The following MTOR variants were observed in gnomAD, a reference collection of about 807,000 sequenced individuals.
MTOR encodes serine/threonine-protein kinase mTOR.
MTOR carries 70 observed loss-of-function variants against 319.8 expected under a neutral mutation model. The observed-to-expected ratio is 0.22, with a 90% CI of 0.18 to 0.27. The LOEUF is 0.27. Among genes scored for constraint, MTOR ranks in the 10% least tolerant of loss-of-function variants. The pLI, the probability that MTOR is intolerant of heterozygous loss-of-function variation, is 1.00. For synonymous variants in MTOR, 1,183 were observed against 1,211.4 expected (o/e 0.98, Z 0.49); for missense variants, 1,890 against 3,274.4 (o/e 0.58, Z 10.32).
intron 37 of MTOR, 74 bp downstream of exon 37, chr1:11,134,277 C>T (rs947224843): frequency 2.2e-5 from 30 of 1,377,280 alleles, no homozygotes; most frequent in Non-Finnish European, 3.0e-5. Context: ...AAGCCTTGAA[C>T]TCCTCCTTGC....
chr1:11,239,363 G>A (rs942052565), intron 11 of MTOR, among the ~76,000 whole-genome samples: 14 of 152,078 alleles, frequency 9.2e-5, no homozygotes, highest in African/African-American at 3.4e-4. Context: ...CTATTCACTA[G>A]AAATAAATTA....
chr1:11,159,000 C>T (rs1174946680), intron 29 of MTOR, among the ~76,000 whole-genome samples: 1 of 152,174 alleles, frequency 6.6e-6, no homozygotes, highest in Non-Finnish European at 1.5e-5. Context: ...ACAGAAAATC[C>T]ACCACGGGTT....
chr1:11,232,583 G>A (rs1182095874), intron 15 of MTOR, 55 bp from the exon 16 acceptor site: 2 of 1,493,778 alleles, frequency 1.3e-6, no homozygotes, highest in East Asian at 4.6e-5. Flanking sequence ...GCATTAGAAA[G>A]TATTTTGGAG....
At position 11,170,855 on chromosome 1, in the gene MTOR, C is replaced by T. The variant is rs149399434; in HGVS notation, c.4254-3338G>A. ...GCGCACACCACCACACCACACACGC[C>T]GGGCGGCCTTGGTAGGAGTAAAAAA... On this transcript the variant is annotated intron_variant, in intron 28 of 57. Coordinates refer to ENST00000361445, the MANE Select transcript of MTOR (RefSeq NM_004958.4). Among the ~76,000 whole-genome samples the T allele has an allele frequency of 2.7e-3, 407 of 151,136 alleles. 10 individuals are homozygous for T. Among genetic ancestry groups the T allele is most frequent in the African/African-American group, 9.2e-3 (378 of 41,032 alleles).
intron 7 of MTOR, 34 bp from the exon 8 acceptor site, chr1:11,247,767 A>G (rs1483181473): frequency 6.2e-7 from 1 of 1,613,956 alleles, no homozygotes; most frequent in African/African-American, 1.3e-5. Flanking sequence ...TGGCAGGGGA[A>G]AAGTGAGGTG....
At position 11,122,160 on chromosome 1, in the gene MTOR, G is replaced by A. The variant is rs1307142859; in HGVS notation, c.6663-34C>T. 9.3e-6 allele frequency: 15 copies of A among 1,612,834 alleles called. No homozygotes were observed. In the Admixed American group the frequency reaches 1.2e-4, roughly 13 times the overall value. On this transcript the variant is annotated intron_variant, in intron 47 of 57. Transcript: ENST00000361445. ...CACAGAAAAGCAGGGTTAGTGTACC[G>A]TAAAGAGAGTATACCCTTGAGCAGC...
intron 28 of MTOR, among the ~76,000 whole-genome samples, chr1:11,168,758 G>C (rs954519089): frequency 3.9e-5 from 6 of 152,214 alleles, no homozygotes; most frequent in Admixed American, 1.3e-4. Context: ...CCTGCAGTTG[G>C]TTCATCAGAG....
At chr1:11,182,029 C>T (rs1571089577) in intron 28 of MTOR, among the ~76,000 whole-genome samples, 1 of 151,772 alleles carries the variant, frequency 6.6e-6, no homozygotes, top group African/African-American at 2.4e-5. Context: ...ACCAGCCTGA[C>T]CGACATGGAG....
chr1:11,232,305 AT>A, intron 16 of MTOR, 130 bp downstream of exon 16: 1 of 581,650 alleles, frequency 1.7e-6, no homozygotes, highest in East Asian at 2.7e-5. Context: ...TTCAACAAAT[AT>A]TTTTGAGCAC....
chr1:11,153,290 G>A (rs922564556), intron 30 of MTOR, among the ~76,000 whole-genome samples: 2 of 152,220 alleles, frequency 1.3e-5, no homozygotes, highest in Admixed American at 6.5e-5. Flanking sequence ...AGAATGGAAC[G>A]AATGAATGTA....
chr1:11,217,918 C>T (rs1053778871), intron 19 of MTOR, among the ~76,000 whole-genome samples: 7 of 152,084 alleles, frequency 4.6e-5, no homozygotes, highest in African/African-American at 1.2e-4. Context: ...GAGGCAAGAT[C>T]GATAGGACAT....
intron 26 of MTOR, 77 bp downstream of exon 26, chr1:11,204,484 T>C: frequency 2.0e-6 from 3 of 1,482,318 alleles, no homozygotes; most frequent in East Asian, 2.3e-5. Context: ...CCCTTGATTA[T>C]TACTTCTAAT....
chr1:11,237,494 G>A (rs914343057), intron 13 of MTOR, among the ~76,000 whole-genome samples: 3 of 152,086 alleles, frequency 2.0e-5, no homozygotes, highest in Admixed American at 6.6e-5. Context: ...AGAGCTGAAG[G>A]ATAGGGAGGC....
At chr1:11,206,918 T>G (rs951692639) in intron 25 of MTOR, among the ~76,000 whole-genome samples, 1 of 152,236 alleles carries the variant, frequency 6.6e-6, no homozygotes, top group African/African-American at 2.4e-5. Context: ...ACATAAATGG[T>G]TTTTATGTTT....
At chr1:11,200,815 A>T (rs1018810172) in intron 26 of MTOR, among the ~76,000 whole-genome samples, 1 of 152,094 alleles carries the variant, frequency 6.6e-6, no homozygotes, top group Non-Finnish European at 1.5e-5. Flanking sequence ...GGAGATCGAG[A>T]CCATCCTGGC....
intron 13 of MTOR, among the ~76,000 whole-genome samples, chr1:11,235,478 T>C (rs1054777071): frequency 2.0e-5 from 3 of 152,102 alleles, no homozygotes; most frequent in African/African-American, 7.2e-5. Context: ...AGTGAGATTC[T>C]GTCTCAAAAC....
chr1:11,159,695 G>A (rs968727682), intron 29 of MTOR, among the ~76,000 whole-genome samples: 5 of 151,446 alleles, frequency 3.3e-5, no homozygotes, highest in African/African-American at 9.7e-5. Context: ...TCCCTTAAAC[G>A]TTTCATTCTA....
intron 49 of MTOR, among the ~76,000 whole-genome samples, chr1:11,120,796 A>T (rs1321906175): frequency 1.3e-5 from 2 of 152,178 alleles, no homozygotes; most frequent in Non-Finnish European, 2.9e-5. Flanking sequence ...CTATATTTTT[A>T]AAAATTTACA....
chr1:11,128,700 G>C lies in MTOR; in HGVS notation c.5812-148C>G, dbSNP rs1642970585. ...CCTTTAGTTTCTAAAAGAAAATAAA[G>C]AAAATATGGACACTTGACACTGGGA... On this transcript the variant is annotated intron_variant, in intron 41 of 57. Transcript: ENST00000361445. This position sits in a 1 kb window ranked among gnomAD's most constrained non-coding sequence, Gnocchi z 5.3. 4.8e-6 allele frequency: 5 copies of C among 1,039,092 alleles called. No homozygotes were observed. In the South Asian group the frequency reaches 6.1e-5, roughly 13 times the overall value. 64.4% of individuals were successfully genotyped at this position (1,039,092 alleles called of 1,614,324 possible).
Sources: allele counts gnomAD v4.1 joint callset (sites outside exome capture counted in the v4.1 genomes callset), GRCh38; gene constraint gnomAD v4.1.1; non-coding constraint Gnocchi (gnomAD v3.1); transcripts MANE v1.5; gene names NCBI Gene and HGNC (gene_info 2026-07-23, HGNC 2026-07-21).